LAMC1: variants seen among roughly 807,000 people sequenced by gnomAD.
LAMC1 encodes laminin subunit gamma-1.
LAMC1 carries 38 observed loss-of-function variants against 173.6 expected under a neutral mutation model. That is an observed-to-expected ratio of 0.22 (90% CI 0.17 to 0.29). The LOEUF (loss-of-function observed/expected upper bound fraction) is 0.29, where lower values mean the gene tolerates loss of function less well. Ranked by LOEUF, LAMC1 falls within the 10% of genes least tolerant of loss-of-function variation. LAMC1 has a pLI of 1.00. For synonymous variants in LAMC1, 746 were observed against 749.1 expected (o/e 1.00, Z 0.07); for missense variants, 1,824 against 2,051.8 (o/e 0.89, Z 2.14).
At chr1:183,129,158 T>C in intron 18 of LAMC1, among the ~76,000 whole-genome samples, 1 of 147,000 alleles carries the variant, frequency 6.8e-6, no homozygotes, top group African/African-American at 2.5e-5. Flanking sequence ...CGATCTTGGC[T>C]CACTGCAACC....
chr1:183,035,671 G>A (rs762706924), intron 1 of LAMC1, among the ~76,000 whole-genome samples: 2 of 152,134 alleles, frequency 1.3e-5, no homozygotes, highest in East Asian at 1.9e-4. Flanking sequence ...ATTTCTACAC[G>A]TTCTGAATTT....
chr1:183,033,228 A>G (rs1374112010), intron 1 of LAMC1, among the ~76,000 whole-genome samples: 1 of 152,226 alleles, frequency 6.6e-6, no homozygotes, highest in African/African-American at 2.4e-5. Context: ...TTGAGTGATC[A>G]AATCAGTGAA....
At chr1:183,033,889 G>A (rs10911202) in intron 1 of LAMC1, among the ~76,000 whole-genome samples, 1 of 151,820 alleles carries the variant, frequency 6.6e-6, no homozygotes, top group South Asian at 2.1e-4. Context: ...AGTAGAGATC[G>A]GGTTTCACCA....
At chr1:183,030,321 A>C (rs1653816905) in intron 1 of LAMC1, among the ~76,000 whole-genome samples, 1 of 152,216 alleles carries the variant, frequency 6.6e-6, no homozygotes, top group African/African-American at 2.4e-5. Context: ...CATGTTATAT[A>C]GTAAGTCCTA....
At chr1:183,102,888 T>TTAA (rs768261191) in intron 1 of LAMC1, among the ~76,000 whole-genome samples, 9 of 152,248 alleles carry the variant, frequency 5.9e-5, no homozygotes, top group Admixed American at 2.0e-4. Context: ...AACGTTACAG[T>TTAA]TAATAGAGAA....
Position 183,145,413 on chromosome 1 carries a change from T to A in LAMC1, c.*2623T>A, listed in dbSNP as rs1428034308. On this transcript the variant is annotated 3_prime_UTR_variant, in exon 28 of 28. Coordinates refer to ENST00000258341, the MANE Select transcript of LAMC1 (RefSeq NM_002293.4). ...TATTATACTGCTATTTTTCCCTGAA[T>A]TTTTTTCCTTTGAATTCCAACTGTG... is the stretch of plus-strand genomic sequence containing the variant. 1.3e-5 allele frequency: 2 copies of A among 152,602 alleles called. No individual in the cohort carries two copies. The highest frequency in any genetic ancestry group is 2.9e-5 in the Non-Finnish European group (2 of 68,038). The allele number at this position is 152,602 out of a possible 1,614,324, so 9.5% of individuals were successfully genotyped here.
chr1:183,144,969 T>C lies in LAMC1; in HGVS notation c.*2179T>C, dbSNP rs1657216442. 6.6e-6 allele frequency: 1 copy of C among 152,236 alleles called. No individual in the cohort carries two copies. The highest frequency in any genetic ancestry group is 2.1e-4 in the South Asian group (1 of 4,836). The allele number at this position is 152,236 out of a possible 1,614,324, so 9.4% of individuals were successfully genotyped here. ...TGCTTCTCCCAGGCCTCTTCTACTA[T>C]GGCAGGAGATGTGGCGTGCTGTTGC... On this transcript the variant is annotated 3_prime_UTR_variant, in exon 28 of 28. Coordinates refer to ENST00000258341, the MANE Select transcript of LAMC1 (RefSeq NM_002293.4).
chr1:183,063,579 G>T (rs1287310287), intron 1 of LAMC1, among the ~76,000 whole-genome samples: 5 of 152,186 alleles, frequency 3.3e-5, no homozygotes, highest in Admixed American at 6.5e-5. Context: ...AGTTGCTTTT[G>T]TAGGGGCCAT....
chr1:183,052,744 T>C (rs571301888), intron 1 of LAMC1, among the ~76,000 whole-genome samples: 150 of 152,330 alleles, frequency 9.8e-4, no homozygotes, highest in Admixed American at 1.8e-3. Flanking sequence ...GTGTGTCTTA[T>C]AATAATATAT....
intron 1 of LAMC1, among the ~76,000 whole-genome samples, chr1:183,041,218 A>G (rs1396960792): frequency 2.6e-5 from 4 of 152,240 alleles, no homozygotes; most frequent in Non-Finnish European, 5.9e-5. Flanking sequence ...AAGTGATAGT[A>G]TTCAAAGGAG....
intron 1 of LAMC1, among the ~76,000 whole-genome samples, chr1:183,088,069 C>G (rs569749768): frequency 1.3e-5 from 2 of 152,228 alleles, no homozygotes; most frequent in Non-Finnish European, 2.9e-5. Flanking sequence ...TCCCAAAGTG[C>G]TGGGATTACA....
chr1:183,071,157 G>GTGTA (rs1237226004), intron 1 of LAMC1, among the ~76,000 whole-genome samples: 1 of 151,088 alleles, frequency 6.6e-6, no homozygotes, highest in Non-Finnish European at 1.5e-5. Context: ...GAAACTTGGT[G>GTGTA]TGTATGTGTG....
At chr1:183,055,078 T>A in intron 1 of LAMC1, among the ~76,000 whole-genome samples, 1 of 148,582 alleles carries the variant, frequency 6.7e-6, no homozygotes, top group East Asian at 2.0e-4. Context: ...AACCTCCACC[T>A]CCCGGGTTCA....
At chr1:183,113,305 C>CA (rs1348357173) in intron 4 of LAMC1, among the ~76,000 whole-genome samples, 2 of 151,612 alleles carry the variant, frequency 1.3e-5, no homozygotes, top group African/African-American at 2.4e-5. Flanking sequence ...ACCCTGTCTC[C>CA]AAAAAACAAA....
At chr1:183,050,773 C>G (rs1234980173) in intron 1 of LAMC1, among the ~76,000 whole-genome samples, 1 of 150,534 alleles carries the variant, frequency 6.6e-6, no homozygotes, top group Non-Finnish European at 1.5e-5. Context: ...TGCCTGTTAT[C>G]TCAGGTACCT....
At chr1:183,103,013 G>A (rs183502809) in intron 1 of LAMC1, among the ~76,000 whole-genome samples, 2 of 152,240 alleles carry the variant, frequency 1.3e-5, no homozygotes, top group Non-Finnish European at 1.5e-5. Flanking sequence ...AAGAATAAAC[G>A]TACTTTTTAT....
intron 1 of LAMC1, among the ~76,000 whole-genome samples, chr1:183,031,837 G>A (rs1024541701): frequency 1.3e-5 from 2 of 151,930 alleles, no homozygotes; most frequent in African/African-American, 4.8e-5. Context: ...ACTTTGCCTT[G>A]GTTGCTTGCT....
At chr1:183,112,935 A>G (rs2102079043) in intron 4 of LAMC1, among the ~76,000 whole-genome samples, 1 of 152,316 alleles carries the variant, frequency 6.6e-6, no homozygotes, top group East Asian at 1.9e-4. Flanking sequence ...TTGCAGTCCC[A>G]GCACTTGGGA....
chr1:183,036,920 C>T lies in LAMC1; in HGVS notation c.418+12786C>T, dbSNP rs568054393. On this transcript the variant is annotated intron_variant, in intron 1 of 27. Transcript: ENST00000258341. ...CCTCCTGAGTAGCTGGAATTACAGG[C>T]ACCCACCACCACGCCCGGCTAATTT... 2.0e-5 allele frequency among the ~76,000 whole-genome samples: 3 copies of T among 152,232 alleles called. No individual in the cohort carries two copies. In the South Asian group the frequency reaches 6.2e-4, roughly 32 times the overall value.
Sources: gnomAD v4.1 joint callset for allele counts (sites outside exome capture counted in the v4.1 genomes callset) on GRCh38, gnomAD v4.1.1 for gene constraint, MANE v1.5 for transcripts, NCBI Gene and HGNC (gene_info 2026-07-23, HGNC 2026-07-21) for gene names.